ATP2B2: variants seen among roughly 807,000 people sequenced by gnomAD.
ATP2B2 encodes plasma membrane calcium-transporting ATPase 2.
In ATP2B2, 15 loss-of-function variants were observed where a neutral mutation model predicts 120.0. The observed-to-expected ratio is 0.12, with a 90% CI of 0.08 to 0.19. The LOEUF (loss-of-function observed/expected upper bound fraction) is 0.19, where lower values mean the gene tolerates loss of function less well. Ranked by LOEUF, ATP2B2 falls within the 10% of genes least tolerant of loss-of-function variation. The pLI is 1.00. For synonymous variants in ATP2B2, 694 were observed against 700.3 expected (o/e 0.99, Z 0.14); for missense variants, 1,045 against 1,719.8 (o/e 0.61, Z 6.94).
Position 10,375,728 on chromosome 3 carries a change from C to A in ATP2B2, c.1202-84G>T, listed in dbSNP as rs144913068. On this transcript the variant is annotated intron_variant, in intron 10 of 22. Coordinates refer to ENST00000360273, the MANE Select transcript of ATP2B2 (RefSeq NM_001001331.4). The surrounding 1 kb of genome is among the most constrained non-coding windows in gnomAD (Gnocchi z 4.2). ...TGGACCAAATCTTTGGCTGAAAGAG[C>A]TCCGGGTCAGGCTGACCCCAGCTCA... The A allele has an allele frequency of 2.3e-6, 3 of 1,306,698 alleles. No homozygotes were observed. The East Asian group carries it at 7.4e-5, about 32-fold the overall frequency. The allele number at this position is 1,306,698 out of a possible 1,614,324, so 80.9% of individuals were successfully genotyped here. A position where few individuals can be genotyped will look rare whatever the true frequency, so the allele number is the denominator to read the frequency against.
At chr3:10,592,432 C>T (rs570686296) in intron 2 of ATP2B2, among the ~76,000 whole-genome samples, 1 of 152,262 alleles carries the variant, frequency 6.6e-6, no homozygotes, top group Non-Finnish European at 1.5e-5. Flanking sequence ...TTCCTCTCTG[C>T]CCCACAGAGA....
rs556098142 is a variant in ATP2B2, at chr3:10,326,469, C to T, written c.*2345G>A. On this transcript the variant is annotated 3_prime_UTR_variant, in exon 23 of 23. Transcript: ENST00000360273. ...ACACAGCTATCCTGATGTCATGGAA[C>T]GAGGTCACGGACACATGACTGATCA... 8.1e-4 allele frequency: 301 copies of T among 371,494 alleles called. 1 individual carries two copies. Among genetic ancestry groups the T allele is most frequent in the African/African-American group, 5.5e-3 (265 of 48,200 alleles). The allele number at this position is 371,494 out of a possible 1,614,324, so 23.0% of individuals were successfully genotyped here.
intron 2 of ATP2B2, among the ~76,000 whole-genome samples, chr3:10,578,139 C>G (rs866365848): frequency 4.6e-5 from 7 of 152,042 alleles, no homozygotes; most frequent in African/African-American, 1.7e-4. Context: ...ACCATAGTGG[C>G]GAAACCTATA....
At chr3:10,539,072 T>C (rs570896550) in intron 2 of ATP2B2, among the ~76,000 whole-genome samples, 2 of 152,300 alleles carry the variant, frequency 1.3e-5, no homozygotes, top group East Asian at 1.9e-4. Flanking sequence ...AGCATTCCTA[T>C]ACACCAATAA....
chr3:10,640,930 C>T (rs980031775), intron 1 of ATP2B2, among the ~76,000 whole-genome samples: 2 of 152,214 alleles, frequency 1.3e-5, no homozygotes, highest in South Asian at 2.1e-4. Flanking sequence ...TAGCATGCCA[C>T]GTGGCTCTGT....
At chr3:10,596,542 T>G (rs1202731321) in intron 2 of ATP2B2, among the ~76,000 whole-genome samples, 1 of 152,218 alleles carries the variant, frequency 6.6e-6, no homozygotes, top group Admixed American at 6.5e-5. Flanking sequence ...GCATGCCCCA[T>G]ATAACAGATG....
At chr3:10,696,819 T>C (rs2071748515) in intron 1 of ATP2B2, among the ~76,000 whole-genome samples, 1 of 152,058 alleles carries the variant, frequency 6.6e-6, no homozygotes, top group Admixed American at 6.5e-5. Flanking sequence ...CAAGGTGAAA[T>C]GTGGAGGTGG....
intron 2 of ATP2B2, among the ~76,000 whole-genome samples, chr3:10,600,971 A>C (rs976563391): frequency 1.3e-5 from 2 of 152,048 alleles, no homozygotes; most frequent in African/African-American, 4.8e-5. Context: ...GTGACTCACC[A>C]CCCAGCAACA....
At chr3:10,389,613 A>G (rs573882134) in intron 5 of ATP2B2, among the ~76,000 whole-genome samples, 3 of 152,234 alleles carry the variant, frequency 2.0e-5, no homozygotes, top group African/African-American at 7.2e-5. Flanking sequence ...AGGGAAATGA[A>G]AGTTAGTGTT....
chr3:10,483,058 G>C (rs2065476751), intron 1 of ATP2B2, among the ~76,000 whole-genome samples: 1 of 152,242 alleles, frequency 6.6e-6, no homozygotes, highest in Non-Finnish European at 1.5e-5. Context: ...CATAGGGGCA[G>C]GGTTAGGATT....
At chr3:10,696,764 T>C (rs191346693) in intron 1 of ATP2B2, among the ~76,000 whole-genome samples, 1 of 152,166 alleles carries the variant, frequency 6.6e-6, no homozygotes, top group Non-Finnish European at 1.5e-5. Flanking sequence ...CTTTACTTTT[T>C]GGGTGAAGAA....
At chr3:10,550,515 T>C (rs2067645262) in intron 2 of ATP2B2, among the ~76,000 whole-genome samples, 1 of 152,146 alleles carries the variant, frequency 6.6e-6, no homozygotes, top group African/African-American at 2.4e-5. Context: ...TATGTGATAG[T>C]TTTTTAAAAA....
rs1223228466 is a variant in ATP2B2 at position 10,619,015 on chromosome 3, T to C, written c.-415+902A>G. Among the ~76,000 whole-genome samples the C allele has an allele frequency of 2.0e-5, 3 of 152,126 alleles. No individual in the cohort carries two copies. The East Asian group carries it at 5.8e-4, about 29-fold the overall frequency. ...TCTCTCTTGTCAAACCTTGGAGCAG[T>C]GGCTAATTCAGCCTAGGAAGGAAGC... On this transcript the variant is annotated intron_variant, in intron 2 of 21. Transcript: ENST00000646379.
At chr3:10,448,596 G>C (rs1028218668) in intron 2 of ATP2B2, among the ~76,000 whole-genome samples, 1 of 152,126 alleles carries the variant, frequency 6.6e-6, no homozygotes, top group South Asian at 2.1e-4. Context: ...GAGATTCCAG[G>C]CCTGCTCAAT....
intron 2 of ATP2B2, among the ~76,000 whole-genome samples, chr3:10,421,027 G>A (rs1297123994): frequency 6.6e-6 from 1 of 152,196 alleles, no homozygotes; most frequent in Non-Finnish European, 1.5e-5. Flanking sequence ...CTGGGGACTT[G>A]TTAGAAATGC....
intron 3 of ATP2B2, among the ~76,000 whole-genome samples, chr3:10,405,202 C>T (rs1376071174): frequency 1.3e-5 from 2 of 152,144 alleles, no homozygotes; most frequent in Non-Finnish European, 2.9e-5. Flanking sequence ...AGACCTCTCC[C>T]CTTTTCATGA....
chr3:10,444,181 A>G (rs1250501953), intron 2 of ATP2B2, among the ~76,000 whole-genome samples: 5 of 152,200 alleles, frequency 3.3e-5, no homozygotes, highest in African/African-American at 9.6e-5. Flanking sequence ...CTGGCCAGGC[A>G]GTGAATTCCC....
Position 10,459,686 on chromosome 3 carries a change from G to T in ATP2B2, c.-319-9824C>A, listed in dbSNP as rs147171623. 7.6e-4 allele frequency among the ~76,000 whole-genome samples: 116 copies of T among 152,338 alleles called. 1 individual carries two copies. The highest frequency in any genetic ancestry group is 1.3e-3 in the Non-Finnish European group (91 of 68,030). On this transcript the variant is annotated intron_variant, in intron 1 of 22. Coordinates refer to ENST00000360273, the MANE Select transcript of ATP2B2 (RefSeq NM_001001331.4). ...CCGTCCCTGTGGATTACAAGAAGAGGCTTGGAAGAAGAACAAAAAATGATA... is the reference window on the plus strand; with the variant it reads ...CCGTCCCTGTGGATTACAAGAAGAGTCTTGGAAGAAGAACAAAAAATGATA...
intron 2 of ATP2B2, among the ~76,000 whole-genome samples, chr3:10,442,281 C>T (rs1330450945): frequency 6.6e-6 from 1 of 152,112 alleles, no homozygotes; most frequent in African/African-American, 2.4e-5. Context: ...TTACGGGAAG[C>T]ACCTAGTGAG....
Sources: allele counts gnomAD v4.1 joint callset (sites outside exome capture counted in the v4.1 genomes callset), GRCh38; gene constraint gnomAD v4.1.1; non-coding constraint Gnocchi (gnomAD v3.1); transcripts MANE v1.5; gene names NCBI Gene and HGNC (gene_info 2026-07-23, HGNC 2026-07-21).